GHRHR: variants seen among roughly 807,000 people sequenced by gnomAD.
GHRHR encodes the protein growth hormone releasing hormone receptor, also known as growth hormone-releasing hormone receptor.
Under a neutral mutation model 58.3 loss-of-function variants are expected in GHRHR, and 40 were observed. The observed-to-expected ratio is 0.69, with a 90% confidence interval of 0.53 to 0.89. The LOEUF (loss-of-function observed/expected upper bound fraction) is 0.89, where lower values mean the gene tolerates loss of function less well. Ranked by LOEUF, GHRHR falls within the 40% of genes least tolerant of loss-of-function variation. The pLI is 0.00. For missense variants in GHRHR, 551 were observed against 541.3 expected, an observed-to-expected ratio of 1.02 and a Z score of -0.18; for synonymous variants, 249 against 216.6, an observed-to-expected ratio of 1.15 and a Z score of -1.31.
chr7:30,974,533 G>T, intron 8 of GHRHR, 44 bp downstream of exon 8: 1 of 1,356,804 alleles, frequency 7.4e-7, no homozygotes, highest in South Asian at 1.2e-5. Flanking sequence ...GGTCCTACAT[G>T]GGGTGTGGAG....
chr7:30,965,215 A>G (rs1375629192), intron 1 of GHRHR, among the ~76,000 whole-genome samples: 1 of 152,126 alleles, frequency 6.6e-6, no homozygotes, highest in Non-Finnish European at 1.5e-5. Flanking sequence ...CTACAGCAAA[A>G]GCTTTATTTT....
intron 1 of GHRHR, among the ~76,000 whole-genome samples, chr7:30,965,222 T>C (rs897100586): frequency 9.2e-5 from 14 of 152,276 alleles, no homozygotes; most frequent in African/African-American, 3.4e-4. Flanking sequence ...AAAAGCTTTA[T>C]TTTTAGCAGG....
chr7:30,966,923 T>C lies in GHRHR; in HGVS notation c.58-1911T>C, dbSNP rs371245968. ...TCCCAAAGTGCTGGGATTACAGGCA[T>C]GAGCCACTGCGCCCGGCCCCTGTCC... On this transcript the variant is annotated intron_variant, in intron 1 of 12. Transcript: ENST00000326139. 1.7e-3 allele frequency among the ~76,000 whole-genome samples: 258 copies of C among 152,330 alleles called. 1 individual carries two copies. The highest frequency in any genetic ancestry group is 3.7e-3 in the South Asian group (18 of 4,830).
chr7:30,974,139 G>A lies in GHRHR; in HGVS notation c.751+1G>A, dbSNP rs1167964487. On this transcript the variant is annotated splice_donor_variant, in intron 7 of 12. Transcript: ENST00000326139. LOFTEE classifies it high-confidence loss of function. Reference sequence around the variant, plus strand: ...TGGTGGCTGGTTCTCGCTGGCTGGGGTGAGCACTGAGGGCGGGTTGGGCAC... The same window carrying A: ...TGGTGGCTGGTTCTCGCTGGCTGGGATGAGCACTGAGGGCGGGTTGGGCAC... 6.2e-7 allele frequency: 1 copy of A among 1,613,886 alleles called. No individual in the cohort carries two copies. The highest frequency in any genetic ancestry group is 1.7e-5 in the Admixed American group (1 of 60,032).
intron 4 of GHRHR, among the ~76,000 whole-genome samples, chr7:30,970,484 C>T (rs1175066983): frequency 6.6e-6 from 1 of 152,234 alleles, no homozygotes; most frequent in Admixed American, 6.5e-5. Flanking sequence ...TCTCTGTCCC[C>T]TTGATCTCTG....
In GHRHR at chr7:30,979,363, A is replaced by C; in HGVS notation, c.*119A>C. ...CCCCAGCTGTTACCCAGCCCGGGGC[A>C]GGTGCAGCCCTTCCTCCCTGTCTCT... On this transcript the variant is annotated 3_prime_UTR_variant, in exon 13 of 13. Transcript: ENST00000326139. The C allele has an allele frequency of 1.0e-6, 1 of 968,086 alleles. No homozygotes were observed. Among genetic ancestry groups the C allele is most frequent in the Non-Finnish European group, 1.6e-6 (1 of 629,738 alleles). 60.0% of individuals were successfully genotyped at this position (968,086 alleles called of 1,614,324 possible).
At chr7:30,973,558 G>C (rs1171477318) in intron 6 of GHRHR, among the ~76,000 whole-genome samples, 1 of 152,164 alleles carries the variant, frequency 6.6e-6, no homozygotes, top group African/African-American at 2.4e-5. Flanking sequence ...ACGGGTGCCT[G>C]TGTGTGTTTT....
At chr7:30,975,678 T>G in intron 9 of GHRHR, 99 bp from the exon 10 acceptor site, 6 of 750,664 alleles carry the variant, frequency 8.0e-6, no homozygotes, top group Non-Finnish European at 9.9e-6. Context: ...GTCTCAAGGA[T>G]TTAAATTTTC....
chr7:30,965,533 A>G (rs933401412), intron 1 of GHRHR, among the ~76,000 whole-genome samples: 1 of 152,196 alleles, frequency 6.6e-6, no homozygotes, highest in African/African-American at 2.4e-5. Flanking sequence ...TTCCCTCCCT[A>G]GAATCTCTCC....
Position 30,979,099 on chromosome 7 carries a change from C to A in GHRHR, c.1147-20C>A. ...AGCCACAGGGGGACCTTCCTAACGTCCTCTTCCTTGTCCCTGGAGGTGAGG... is the reference window on the plus strand; with the variant it reads ...AGCCACAGGGGGACCTTCCTAACGTACTCTTCCTTGTCCCTGGAGGTGAGG... On this transcript the variant is annotated intron_variant, in intron 12 of 12. Coordinates refer to ENST00000326139, the MANE Select transcript of GHRHR (RefSeq NM_000823.4). The A allele has an allele frequency of 1.2e-6, 2 of 1,612,948 alleles. No individual in the cohort carries two copies. The highest frequency in any genetic ancestry group is 2.2e-5 in the South Asian group (2 of 91,034).
rs376273824 is a variant in GHRHR, at chr7:30,975,854, C to T, written c.960C>T (p.Thr320=). The T allele has an allele frequency of 1.1e-5, 17 of 1,591,378 alleles. No homozygotes were observed. The highest frequency in any genetic ancestry group is 1.7e-4 in the Middle Eastern group (1 of 6,046). ...AGCCAGCTCAGGGCAGCCTCCATAC[C>T]CAGTCTCAGTATTGGTACTGTGTGT... is the stretch of plus-strand genomic sequence containing the variant. ...KLEPAQGSLH[T]QSQYWRLSKS... The change falls in exon 10 of 13, where the codon ACC becomes ACT. Residue 320 remains threonine (T), a synonymous_variant. Coordinates refer to ENST00000326139, the MANE Select transcript of GHRHR (RefSeq NM_000823.4).
At chr7:30,975,748 C>T in intron 9 of GHRHR, 29 bp from the exon 10 acceptor site, 3 of 1,388,388 alleles carry the variant, frequency 2.2e-6, no homozygotes, top group Non-Finnish European at 3.1e-6. Context: ...TGACCCTTGT[C>T]TTCCACCTTC....
At chr7:30,974,747 T>C (rs1421548494) in intron 8 of GHRHR, among the ~76,000 whole-genome samples, 2 of 152,056 alleles carry the variant, frequency 1.3e-5, no homozygotes, top group African/African-American at 4.8e-5. Flanking sequence ...CAAGGAGGCA[T>C]TGAACAGAGT....
chr7:30,976,280 G>C, intron 10 of GHRHR, 149 bp from the exon 11 acceptor site: 1 of 735,994 alleles, frequency 1.4e-6, no homozygotes, highest in South Asian at 1.5e-5. Context: ...AAATAAAAAA[G>C]CCCAGAGTGA....
chr7:30,979,023 C>G lies in GHRHR; in HGVS notation c.1147-96C>G, dbSNP rs924913847. ...CTTTTCCTGCCCCATGTCTCTGTTTCTCTTACACGGCCTCTCCCTGCACCT... is the reference window on the plus strand; with the variant it reads ...CTTTTCCTGCCCCATGTCTCTGTTTGTCTTACACGGCCTCTCCCTGCACCT... On this transcript the variant is annotated intron_variant, in intron 12 of 12. Transcript: ENST00000326139. The G allele has an allele frequency of 6.7e-6, 8 of 1,188,320 alleles. No homozygotes were observed. In the Admixed American group the frequency reaches 1.4e-4, roughly 20 times the overall value. The allele number at this position is 1,188,320 out of a possible 1,614,324, so 73.6% of individuals were successfully genotyped here. A position where few individuals can be genotyped will look rare whatever the true frequency, so the allele number is the denominator to read the frequency against.
At chr7:30,965,257 A>T (rs563999668) in intron 1 of GHRHR, among the ~76,000 whole-genome samples, 12 of 152,274 alleles carry the variant, frequency 7.9e-5, no homozygotes, top group Non-Finnish European at 1.6e-4. Flanking sequence ...GGTGGTGGCC[A>T]TTCAGCAGAT....
chr7:30,970,107 C>T, intron 4 of GHRHR, 143 bp downstream of exon 4: 1 of 716,176 alleles, frequency 1.4e-6, no homozygotes, highest in Non-Finnish European at 2.6e-6. Context: ...AGTGAAGTGT[C>T]TGGAGGAGAT....
At chr7:30,976,704 C>T (rs780898100) in intron 11 of GHRHR, 146 bp downstream of exon 11, 1 of 699,480 alleles carries the variant, frequency 1.4e-6, no homozygotes, top group Non-Finnish European at 2.5e-6. Flanking sequence ...TGTCCATCTT[C>T]CAGCCACCCA....
At chr7:30,974,339 CG>C (rs1562594649) in intron 7 of GHRHR, 89 bp from the exon 8 acceptor site, 1 of 1,139,574 alleles carries the variant, frequency 8.8e-7, no homozygotes, top group African/African-American at 1.5e-5. Context: ...CAGTGCCCTA[CG>C]TGGCTGATGG....
Sources: gnomAD v4.1 joint callset for allele counts (sites outside exome capture counted in the v4.1 genomes callset) on GRCh38, gnomAD v4.1.1 for gene constraint, MANE v1.5 for transcripts, NCBI Gene and HGNC (gene_info 2026-07-23, HGNC 2026-07-21) for gene names.